GLIS3: variants seen among roughly 807,000 people sequenced by gnomAD.
GLIS3 encodes the protein zinc finger protein GLIS3.
GLIS3 carries 53 observed loss-of-function variants against 78.6 expected under a neutral mutation model. That is an observed-to-expected ratio of 0.67 (90% CI 0.54 to 0.85). GLIS3 has a LOEUF of 0.85. Ranked by LOEUF, GLIS3 falls within the 40% of genes least tolerant of loss-of-function variation. The pLI is 0.00. For synonymous variants in GLIS3, 684 were observed against 509.9 expected, an observed-to-expected ratio of 1.34 and a Z score of -4.60; for missense variants, 1,703 against 1,231.1, an observed-to-expected ratio of 1.38 and a Z score of -5.74.
At chr9:3,967,041 A>AAC (rs1818007737) in intron 4 of GLIS3, among the ~76,000 whole-genome samples, 1 of 96,608 alleles carries the variant, frequency 1.0e-5, no homozygotes, top group Non-Finnish European at 2.5e-5. Context: ...AAACAAAAAA[A>AAC]CATTTTGAGG....
At position 4,118,376 on chromosome 9, in the gene GLIS3, T is replaced by C. The variant is rs945020300; in HGVS notation, c.1102A>G (p.Ser368Gly). The change falls in exon 4 of 11, where the codon AGC (serine) becomes GGC (glycine). Residue 368 changes from serine (S) to glycine (G), a missense_variant. Ser to Gly is a moderately conservative substitution (Grantham distance 56, BLOSUM62 0). Coordinates refer to ENST00000381971, the MANE Select transcript of GLIS3 (RefSeq NM_001042413.2). The surrounding 1 kb of genome is among the most constrained non-coding windows in gnomAD (Gnocchi z 4.7). ...GGGGCCACCAGCACGCCCTTCTGGC[T>C]GCCGGGCACCGGGCGCGGCTGGGGA... ...CIPQPRPVPG[S>G]QKGVLVAPGG... The C allele has an allele frequency of 1.3e-6, 2 of 1,595,946 alleles. No homozygotes were observed. Among genetic ancestry groups the C allele is most frequent in the East Asian group, 2.3e-5 (1 of 44,148 alleles).
At chr9:4,268,121 C>A (rs1032104351) in intron 2 of GLIS3, among the ~76,000 whole-genome samples, 1 of 152,096 alleles carries the variant, frequency 6.6e-6, no homozygotes, top group African/African-American at 2.4e-5. Flanking sequence ...TATTCTAGAG[C>A]CAAAGTGGCT....
chr9:3,927,332 C>G (rs574933969), intron 6 of GLIS3, among the ~76,000 whole-genome samples: 4 of 152,244 alleles, frequency 2.6e-5, no homozygotes, highest in Admixed American at 2.6e-4. Flanking sequence ...TTTAGTTGGC[C>G]AAATAATTTT....
chr9:4,287,490 G>A (rs1348997914), intron 1 of GLIS3, among the ~76,000 whole-genome samples: 1 of 152,224 alleles, frequency 6.6e-6, no homozygotes, highest in African/African-American at 2.4e-5. Flanking sequence ...TGTATGCGAT[G>A]AGGTGGTAAA....
the GLIS3 span, among the ~76,000 whole-genome samples, chr9:4,363,687 G>A: frequency 2.6e-5 from 4 of 152,274 alleles, no homozygotes; most frequent in South Asian, 8.3e-4. Flanking sequence ...TCAACAGATA[G>A]GCACTCAGCA....
chr9:4,353,535 C>T, the GLIS3 span, among the ~76,000 whole-genome samples: 1 of 152,124 alleles, frequency 6.6e-6, no homozygotes, highest in Non-Finnish European at 1.5e-5. Flanking sequence ...TGGGCACTGG[C>T]ATGTGTACTT....
chr9:4,040,299 A>C (rs2130358416), intron 4 of GLIS3, among the ~76,000 whole-genome samples: 1 of 152,222 alleles, frequency 6.6e-6, no homozygotes, highest in Non-Finnish European at 1.5e-5. Flanking sequence ...AAAAAACAAA[A>C]AACAAAAAAC....
intron 4 of GLIS3, among the ~76,000 whole-genome samples, chr9:3,950,124 C>T (rs1427954159): frequency 6.6e-6 from 1 of 152,248 alleles, no homozygotes; most frequent in Non-Finnish European, 1.5e-5. Flanking sequence ...ACATATCCAT[C>T]TCTAATCTCC....
intron 4 of GLIS3, chr9:4,035,101 T>C (rs1249957423): frequency 6.6e-6 from 1 of 152,176 alleles, no homozygotes; most frequent in Non-Finnish European, 1.5e-5. Flanking sequence ...AGTCTAAAAG[T>C]ACTAGGAGTA....
At chr9:3,984,027 C>T (rs973027271) in intron 4 of GLIS3, among the ~76,000 whole-genome samples, 1 of 152,246 alleles carries the variant, frequency 6.6e-6, no homozygotes, top group African/African-American at 2.4e-5. Flanking sequence ...TCACAGGCCC[C>T]GAGGCCTAGG....
intron 2 of GLIS3, among the ~76,000 whole-genome samples, chr9:4,345,272 C>T (rs559691061): frequency 1.3e-3 from 202 of 152,314 alleles, no homozygotes; most frequent in African/African-American, 4.4e-3. Context: ...TTCTCACCTA[C>T]GTCAGGCATT....
chr9:4,365,420 G>C, the GLIS3 span, among the ~76,000 whole-genome samples: 7 of 152,004 alleles, frequency 4.6e-5, no homozygotes, highest in East Asian at 1.4e-3. Context: ...AGCCTGGCAT[G>C]GTGGCGGGTG....
intron 8 of GLIS3, among the ~76,000 whole-genome samples, chr9:3,861,048 C>T (rs1012982451): frequency 1.3e-5 from 2 of 152,260 alleles, no homozygotes; most frequent in East Asian, 3.9e-4. Flanking sequence ...TCAGGAATAT[C>T]AAAGTACTTA....
At chr9:4,251,662 G>C (rs758086808) in intron 2 of GLIS3, among the ~76,000 whole-genome samples, 2 of 152,082 alleles carry the variant, frequency 1.3e-5, no homozygotes, top group East Asian at 1.9e-4. Context: ...ATGCTAGCTG[G>C]TTATTTTGCC....
chr9:4,253,451 G>A (rs185681847), intron 2 of GLIS3, among the ~76,000 whole-genome samples: 33 of 152,326 alleles, frequency 2.2e-4, no homozygotes, highest in African/African-American at 5.8e-4. Flanking sequence ...GGTGGATGAC[G>A]CTCCCCCGAC....
At chr9:4,018,538 C>A (rs1822617953) in intron 4 of GLIS3, among the ~76,000 whole-genome samples, 1 of 152,158 alleles carries the variant, frequency 6.6e-6, no homozygotes, top group Non-Finnish European at 1.5e-5. Context: ...AGGGGCTTCA[C>A]AGGTTCTTGG....
At chr9:4,111,284 T>TAA (rs1210262973) in intron 4 of GLIS3, among the ~76,000 whole-genome samples, 1 of 152,234 alleles carries the variant, frequency 6.6e-6, no homozygotes, top group Non-Finnish European at 1.5e-5. Flanking sequence ...TTAATGAGGA[T>TAA]AAAGCCTCAA....
chr9:4,239,406 T>C lies in GLIS3; in HGVS notation c.388+46632A>G, dbSNP rs1055988805. On this transcript the variant is annotated intron_variant, in intron 2 of 10. Coordinates refer to ENST00000381971, the MANE Select transcript of GLIS3 (RefSeq NM_001042413.2). ...TCTGCGATGAGGAAGATGAAGTTGT[T>C]AGACTACTGTATTCGTATTCCAATG... is the stretch of plus-strand genomic sequence containing the variant. Among the ~76,000 whole-genome samples the C allele has an allele frequency of 4.6e-5, 7 of 152,240 alleles. No individual in the cohort carries two copies. The East Asian group carries it at 5.8e-4, about 13-fold the overall frequency.
At chr9:4,208,246 A>C (rs1419960874) in intron 2 of GLIS3, among the ~76,000 whole-genome samples, 1 of 152,228 alleles carries the variant, frequency 6.6e-6, no homozygotes, top group African/African-American at 2.4e-5. Context: ...ATTCTCCCCA[A>C]GTTAAATGAC....
Sources: allele counts gnomAD v4.1 joint callset (sites outside exome capture counted in the v4.1 genomes callset), GRCh38; gene constraint gnomAD v4.1.1; non-coding constraint Gnocchi (gnomAD v3.1); transcripts MANE v1.5; gene names NCBI Gene and HGNC (gene_info 2026-07-23, HGNC 2026-07-21).